GSG1L: variants seen among roughly 807,000 people sequenced by gnomAD.
GSG1L encodes GSG1 like.
A neutral mutation model predicts 42.1 loss-of-function variants in GSG1L; 24 were observed. That is an observed-to-expected ratio of 0.57 (90% CI 0.41 to 0.80). GSG1L has a LOEUF of 0.80. Ranked by LOEUF, GSG1L falls within the 30% of genes least tolerant of loss-of-function variation. GSG1L has a pLI of 0.00. For missense variants in GSG1L, 445 were observed against 472.2 expected (o/e 0.94, Z 0.53); for synonymous variants, 215 against 203.5 (o/e 1.06, Z -0.48).
intron 2 of GSG1L, among the ~76,000 whole-genome samples, chr16:27,928,468 G>A (rs1567522239): frequency 6.6e-6 from 1 of 152,204 alleles, no homozygotes; most frequent in African/African-American, 2.4e-5. Context: ...ACGGCCCCCA[G>A]CCCAGTTCTA....
intron 2 of GSG1L, among the ~76,000 whole-genome samples, chr16:27,902,271 G>C (rs1250849795): frequency 2.0e-5 from 3 of 152,236 alleles, no homozygotes; most frequent in African/African-American, 7.2e-5. Context: ...CAGCAGCAGA[G>C]AGGCCGAGGG....
At chr16:27,966,880 C>T (rs1005903309) in intron 1 of GSG1L, among the ~76,000 whole-genome samples, 1 of 152,204 alleles carries the variant, frequency 6.6e-6, no homozygotes, top group Non-Finnish European at 1.5e-5. Context: ...CCCACAATCC[C>T]ACACAGCAAC....
intron 1 of GSG1L, among the ~76,000 whole-genome samples, chr16:27,976,699 T>C (rs2085254733): frequency 1.3e-5 from 2 of 152,182 alleles, no homozygotes; most frequent in Non-Finnish European, 2.9e-5. Flanking sequence ...ACCTTAGCCA[T>C]CACGTCTGCA....
chr16:28,011,310 G>A (rs1483086069), intron 1 of GSG1L, among the ~76,000 whole-genome samples: 1 of 152,230 alleles, frequency 6.6e-6, no homozygotes, highest in East Asian at 1.9e-4. Context: ...GCCGCCTGCA[G>A]GGCATCCTCC....
In GSG1L at chr16:28,031,062, G is replaced by A. The variant is rs149969746; in HGVS notation, c.349+32014C>T. Among the ~76,000 whole-genome samples the A allele has an allele frequency of 3.3e-3, 489 of 149,128 alleles. 2 individuals carry two copies. The highest frequency in any genetic ancestry group is 0.012 in the African/African-American group (464 of 40,270). ...TGGGATGAATGGGGTGGAATGGGAT[G>A]GGATGGATTGGTATGGGCTGAGTTG... On this transcript the variant is annotated intron_variant, in intron 1 of 6. Transcript: ENST00000447459.
intron 5 of GSG1L, among the ~76,000 whole-genome samples, chr16:27,820,368 C>T (rs1424250670): frequency 6.6e-6 from 1 of 151,780 alleles, no homozygotes; most frequent in Non-Finnish European, 1.5e-5. Context: ...CTGTGGGAGC[C>T]GAAGAGAGAG....
At chr16:27,887,497 A>G (rs2084044464) in intron 2 of GSG1L, among the ~76,000 whole-genome samples, 1 of 152,228 alleles carries the variant, frequency 6.6e-6, no homozygotes, top group Admixed American at 6.5e-5. Context: ...GTCTTTGCCC[A>G]TGCCAGTTTG....
At chr16:27,865,452 A>T (rs2083702739) in intron 3 of GSG1L, among the ~76,000 whole-genome samples, 1 of 147,602 alleles carries the variant, frequency 6.8e-6, no homozygotes, top group African/African-American at 2.5e-5. Flanking sequence ...TGGGGAGTGG[A>T]GGTGGAAGTG....
intron 2 of GSG1L, among the ~76,000 whole-genome samples, chr16:27,935,839 T>A (rs8060913): frequency 6.9e-6 from 1 of 145,702 alleles, no homozygotes; most frequent in African/African-American, 2.6e-5. Context: ...CTCCTTGAAA[T>A]TGCATGTGCT....
chr16:28,027,384 T>C (rs2085911105), intron 1 of GSG1L, among the ~76,000 whole-genome samples: 1 of 152,190 alleles, frequency 6.6e-6, no homozygotes, highest in Non-Finnish European at 1.5e-5. Flanking sequence ...AAAGCAGCTC[T>C]CTTCCCTCTA....
intron 2 of GSG1L, among the ~76,000 whole-genome samples, chr16:27,914,720 C>T (rs1030747569): frequency 6.6e-6 from 1 of 151,938 alleles, no homozygotes; most frequent in Non-Finnish European, 1.5e-5. Flanking sequence ...GCATTTAGCA[C>T]AAATGAGCCT....
At chr16:28,018,995 T>C (rs967267063) in intron 1 of GSG1L, among the ~76,000 whole-genome samples, 4 of 151,998 alleles carry the variant, frequency 2.6e-5, no homozygotes, top group African/African-American at 9.7e-5. Flanking sequence ...AACTCTGGTG[T>C]GAAATGGGCC....
At chr16:28,043,684 T>A (rs1012014196) in intron 1 of GSG1L, among the ~76,000 whole-genome samples, 1 of 152,120 alleles carries the variant, frequency 6.6e-6, no homozygotes, top group Non-Finnish European at 1.5e-5. Context: ...CAACAGGAGC[T>A]CCCACTCAGT....
intron 1 of GSG1L, among the ~76,000 whole-genome samples, chr16:27,964,045 C>T (rs772217866): frequency 2.2e-4 from 34 of 152,090 alleles, no homozygotes; most frequent in Non-Finnish European, 4.7e-4. Flanking sequence ...ACATTGTTTC[C>T]TCAAAGGCTA....
At chr16:28,015,038 T>G (rs2085764795) in intron 1 of GSG1L, among the ~76,000 whole-genome samples, 1 of 152,160 alleles carries the variant, frequency 6.6e-6, no homozygotes, top group African/African-American at 2.4e-5. Context: ...AGTCCACTGT[T>G]GAAGCTTTTG....
intron 5 of GSG1L, among the ~76,000 whole-genome samples, chr16:27,822,584 A>G (rs1387242001): frequency 6.6e-6 from 1 of 151,990 alleles, no homozygotes; most frequent in Non-Finnish European, 1.5e-5. Context: ...CACCCAGCTA[A>G]TCTTTTAATT....
chr16:27,954,095 C>T (rs990544724), intron 2 of GSG1L, among the ~76,000 whole-genome samples: 2 of 151,924 alleles, frequency 1.3e-5, no homozygotes, highest in African/African-American at 4.8e-5. Context: ...AGGAAGTGTC[C>T]AGGAGGCAGT....
intron 1 of GSG1L, among the ~76,000 whole-genome samples, chr16:27,965,581 G>C (rs2085122620): frequency 6.6e-6 from 1 of 152,172 alleles, no homozygotes; most frequent in Non-Finnish European, 1.5e-5. Context: ...GCTCTGTGAG[G>C]ACAGGGACCA....
rs749650915 is a variant in GSG1L, at chr16:27,844,941, T to A, written c.662+9A>T. Reference sequence around the variant, plus strand: ...CCTGAAGCTGCTCTTGTCCTGAAGGTCCACTTACCAGAAGGACCACCCGTA... The same window carrying A: ...CCTGAAGCTGCTCTTGTCCTGAAGGACCACTTACCAGAAGGACCACCCGTA... On this transcript the variant is annotated intron_variant, in intron 4 of 6. Transcript: ENST00000447459. The A allele has an allele frequency of 6.5e-6, 10 of 1,544,300 alleles. No homozygotes were observed. In the South Asian group the frequency reaches 1.0e-4, roughly 16 times the overall value.
Sources: gnomAD v4.1 joint callset for allele counts (sites outside exome capture counted in the v4.1 genomes callset) on GRCh38, gnomAD v4.1.1 for gene constraint, MANE v1.5 for transcripts, NCBI Gene and HGNC (gene_info 2026-07-23, HGNC 2026-07-21) for gene names.